The following ZC3H3 variants were observed in gnomAD, a reference collection of about 807,000 sequenced individuals.
The protein encoded by ZC3H3 is zinc finger CCCH domain-containing protein 3.
ZC3H3 carries 36 observed loss-of-function variants against 77.3 expected under a neutral mutation model. The ratio of observed to expected loss-of-function variants is 0.47; its 90% CI spans 0.36 to 0.61. The LOEUF is 0.61. Ranked by LOEUF, ZC3H3 falls within the 20% of genes least tolerant of loss-of-function variation. The pLI, the probability that ZC3H3 is intolerant of heterozygous loss-of-function variation, is 0.00. For synonymous variants in ZC3H3, 626 were observed against 555.2 expected (o/e 1.13, Z -1.79); for missense variants, 1,331 against 1,312.2 (o/e 1.01, Z -0.22).
chr8:143,438,186 C>G, intron 11 of ZC3H3, 99 bp from the exon 12 acceptor site: 1 of 1,456,202 alleles, frequency 6.9e-7, no homozygotes, highest in Non-Finnish European at 9.4e-7. Context: ...GGGGCTCTGT[C>G]AGCCCAAGCA....
At chr8:143,540,327 G>T (rs1417409392) in intron 1 of ZC3H3, among the ~76,000 whole-genome samples, 1 of 152,112 alleles carries the variant, frequency 6.6e-6, no homozygotes, top group Non-Finnish European at 1.5e-5. Flanking sequence ...GGGACCTCCA[G>T]GGCACAAGCA....
rs1161670389 is a variant in ZC3H3, at chr8:143,493,280, G to T, written c.1715+14466C>A. 6.6e-6 allele frequency among the ~76,000 whole-genome samples: 1 copy of T among 152,258 alleles called. No homozygotes were observed. The highest frequency in any genetic ancestry group is 1.5e-5 in the Non-Finnish European group (1 of 68,040). On this transcript the variant is annotated intron_variant, in intron 4 of 11. Transcript: ENST00000262577. The surrounding 1 kb of genome is among the most constrained non-coding windows in gnomAD (Gnocchi z 4.8). ...GCCCTGCCTGCCAGCAAGGGCTGGGGTCTAAGATCTCCAGGAAAAAGTCCC... is the reference window on the plus strand; with the variant it reads ...GCCCTGCCTGCCAGCAAGGGCTGGGTTCTAAGATCTCCAGGAAAAAGTCCC...
rs1360992236 is a variant in ZC3H3, at chr8:143,506,252, G to A, written c.1715+1494C>T. On this transcript the variant is annotated intron_variant, in intron 4 of 11. Coordinates refer to ENST00000262577, the MANE Select transcript of ZC3H3 (RefSeq NM_015117.3). ...CTGAGGAAAATCATCACTTGGCCCCGAGCCGCACCCCTGGGAGAGGTGGAC... is the reference window on the plus strand; with the variant it reads ...CTGAGGAAAATCATCACTTGGCCCCAAGCCGCACCCCTGGGAGAGGTGGAC... 3.9e-5 allele frequency among the ~76,000 whole-genome samples: 6 copies of A among 152,320 alleles called. No individual in the cohort carries two copies. The East Asian group carries it at 5.8e-4, about 15-fold the overall frequency.
chr8:143,475,261 T>C, intron 5 of ZC3H3, 137 bp downstream of exon 5: 1 of 1,096,352 alleles, frequency 9.1e-7, no homozygotes, highest in Non-Finnish European at 1.3e-6. Context: ...GCCCCTGACC[T>C]CCTCCCCAAG....
intron 3 of ZC3H3, among the ~76,000 whole-genome samples, chr8:143,519,664 C>T (rs555943256): frequency 7.2e-5 from 11 of 152,218 alleles, no homozygotes; most frequent in South Asian, 6.2e-4. Flanking sequence ...TGCGCCACAG[C>T]GGCCCACACA....
At chr8:143,474,895 T>C (rs1820684969) in intron 5 of ZC3H3, among the ~76,000 whole-genome samples, 1 of 152,200 alleles carries the variant, frequency 6.6e-6, no homozygotes, top group African/African-American at 2.4e-5. Flanking sequence ...TGTCGAGGCG[T>C]CGCCAATGCG....
intron 4 of ZC3H3, among the ~76,000 whole-genome samples, chr8:143,483,958 C>T (rs892966449): frequency 3.9e-5 from 6 of 152,228 alleles, no homozygotes; most frequent in Non-Finnish European, 8.8e-5. Flanking sequence ...ACCGTCCAGC[C>T]GCTTGGCTTT....
intron 4 of ZC3H3, among the ~76,000 whole-genome samples, chr8:143,489,608 G>A (rs552815978): frequency 6.6e-6 from 1 of 152,216 alleles, no homozygotes; most frequent in Non-Finnish European, 1.5e-5. Flanking sequence ...AGCACTGAGG[G>A]TACTGAGCTG....
At chr8:143,472,475 T>C (rs1013135510) in intron 5 of ZC3H3, among the ~76,000 whole-genome samples, 2 of 151,676 alleles carry the variant, frequency 1.3e-5, no homozygotes, top group African/African-American at 2.4e-5. Context: ...CAGGGAGGAG[T>C]GTGCAGCCCC....
rs780265755 is a variant in ZC3H3 at position 143,538,489 on chromosome 8, C to T, written c.878G>A (p.Arg293Gln). ...ARPASGPRQA[R>Q]EASLVVTCRT... ...ACAGGTCACAACCAGCGAGGCCTCC[C>T]GGGCCTGCCTGGGTCCTGAGGCCGG... Residue 293 changes from arginine to glutamine, a missense_variant, in exon 2 of 12, where the codon CGG (arginine) becomes CAG (glutamine). Physicochemically the swap from Arg to Gln is conservative, Grantham distance 43. Coordinates refer to ENST00000262577, the MANE Select transcript of ZC3H3 (RefSeq NM_015117.3). 28 of 1,612,772 alleles carry T rather than the reference C, an allele frequency of 1.7e-5. No homozygotes were observed. In the East Asian group the frequency reaches 4.9e-4, roughly 28 times the overall value.
chr8:143,501,656 C>T (rs1221517780), intron 4 of ZC3H3, among the ~76,000 whole-genome samples: 1 of 151,476 alleles, frequency 6.6e-6, no homozygotes, highest in African/African-American at 2.4e-5. Context: ...GGCCACGGGG[C>T]GCTGGTTTTA....
intron 3 of ZC3H3, among the ~76,000 whole-genome samples, chr8:143,512,858 G>A (rs1396579328): frequency 2.6e-5 from 4 of 152,246 alleles, no homozygotes; most frequent in African/African-American, 9.6e-5. Flanking sequence ...TTACAACTGA[G>A]AGTGCTCAGT....
At position 143,460,455 on chromosome 8, in the gene ZC3H3, G is replaced by A. The variant is rs565611705; in HGVS notation, c.2307+5262C>T. 2.6e-5 allele frequency among the ~76,000 whole-genome samples: 4 copies of A among 152,090 alleles called. No homozygotes were observed. The highest frequency in any genetic ancestry group is 7.2e-5 in the African/African-American group (3 of 41,394). ...GGTGTGGAGAAACGGGAACCCGTGC[G>A]CCGTTGCTGGGAACGTAAAGTGGTT... On this transcript the variant is annotated intron_variant, in intron 9 of 11. Coordinates refer to ENST00000262577, the MANE Select transcript of ZC3H3 (RefSeq NM_015117.3). The surrounding 1 kb of genome is among the most constrained non-coding windows in gnomAD (Gnocchi z 4.0).
At chr8:143,491,233 G>A (rs548645239) in intron 4 of ZC3H3, among the ~76,000 whole-genome samples, 1 of 152,318 alleles carries the variant, frequency 6.6e-6, no homozygotes, top group East Asian at 1.9e-4. Flanking sequence ...GGGGGCCCTT[G>A]AGCTCCCTCC....
intron 4 of ZC3H3, among the ~76,000 whole-genome samples, chr8:143,482,507 C>T (rs1027189019): frequency 3.3e-5 from 5 of 152,152 alleles, no homozygotes; most frequent in African/African-American, 1.2e-4. Context: ...GTCAGGAGGC[C>T]CTGGTCAGTT....
chr8:143,469,539 G>A (rs1272065174), intron 5 of ZC3H3, among the ~76,000 whole-genome samples: 1 of 152,346 alleles, frequency 6.6e-6, no homozygotes, highest in African/African-American at 2.4e-5. Flanking sequence ...AAAACCCCAA[G>A]CATAAGCACC....
Position 143,468,456 on chromosome 8 carries a change from G to A in ZC3H3, c.2031C>T (p.Asn677=). ...CGCCACGGTTGCACCTGCCGAAGCGGTTGTAGTACATGCAGTACTCCTTCC... is the reference window on the plus strand; with the variant it reads ...CGCCACGGTTGCACCTGCCGAAGCGATTGTAGTACATGCAGTACTCCTTCC... ...EKRKEYCMYY[N]RFGRCNRGER... The change falls in exon 7 of 12, where the codon AAC becomes AAT. Residue 677 remains asparagine, a synonymous_variant. Transcript: ENST00000262577. 1 of 1,610,302 alleles carries A rather than the reference G, an allele frequency of 6.2e-7. No individual in the cohort carries two copies. The highest frequency in any genetic ancestry group is 8.5e-7 in the Non-Finnish European group (1 of 1,178,938).
chr8:143,464,568 T>C lies in ZC3H3; in HGVS notation c.2307+1149A>G, dbSNP rs1302631646. ...AGGAAGGAGTGCGTGGCCCAGCTTCTACAGGACCCCACAGGTGAACCCAGC... is the reference window on the plus strand; with the variant it reads ...AGGAAGGAGTGCGTGGCCCAGCTTCCACAGGACCCCACAGGTGAACCCAGC... On this transcript the variant is annotated intron_variant, in intron 9 of 11. Transcript: ENST00000262577. Among the ~76,000 whole-genome samples, 42 of 152,160 alleles carry C rather than the reference T, an allele frequency of 2.8e-4. 1 individual carries two copies. The highest frequency in any genetic ancestry group is 2.7e-3 in the Admixed American group (42 of 15,278).
intron 4 of ZC3H3, among the ~76,000 whole-genome samples, chr8:143,492,591 C>A (rs1048517951): frequency 6.6e-6 from 1 of 152,190 alleles, no homozygotes; most frequent in Non-Finnish European, 1.5e-5. Flanking sequence ...CCGGAGGGGC[C>A]CGGGGAGGGC....
Sources: allele counts gnomAD v4.1 joint callset (sites outside exome capture counted in the v4.1 genomes callset), GRCh38; gene constraint gnomAD v4.1.1; non-coding constraint Gnocchi (gnomAD v3.1); transcripts MANE v1.5; gene names NCBI Gene and HGNC (gene_info 2026-07-23, HGNC 2026-07-21).